The following PRSS23 variants were observed in gnomAD, a reference collection of about 807,000 sequenced individuals.
PRSS23 encodes serine protease 23.
In PRSS23, 25 loss-of-function variants were observed where a neutral mutation model predicts 34.7. That is an observed-to-expected ratio of 0.72 (90% CI 0.53 to 1.01). The LOEUF is 1.01. Among genes scored for constraint, PRSS23 ranks in the 50% least tolerant of loss-of-function variants. The pLI, the probability that PRSS23 is intolerant of heterozygous loss-of-function variation, is 0.00. For synonymous variants in PRSS23, 176 were observed against 186.6 expected, an observed-to-expected ratio of 0.94 and a Z score of 0.46; for missense variants, 445 against 475.6, an observed-to-expected ratio of 0.94 and a Z score of 0.60.
chr11:86,818,854 T>C (rs1025987073), intron 1 of PRSS23, among the ~76,000 whole-genome samples: 2 of 152,200 alleles, frequency 1.3e-5, no homozygotes, highest in African/African-American at 4.8e-5. Context: ...TGTTAATCAA[T>C]ACATGCCATT....
At position 86,830,385 on chromosome 11, in the gene PRSS23, G is replaced by T. The variant is rs557363738; in HGVS notation, c.206+6792G>T. On this transcript the variant is annotated intron_variant, in intron 2 of 2. Transcript: ENST00000533902. ...GTGGGAGTGACCCGATTTTCCAGGT[G>T]CCATCTGTCACCCCTTTCTTTGACT... Among the ~76,000 whole-genome samples, 29 of 152,268 alleles carry T rather than the reference G, an allele frequency of 1.9e-4. 1 individual carries two copies. The South Asian group carries it at 2.1e-3, about 11-fold the overall frequency.
At chr11:86,798,278 G>A (rs941479657), upstream of PRSS23, among the ~76,000 whole-genome samples, 5 of 152,216 alleles carry the variant, frequency 3.3e-5, no homozygotes, top group Admixed American at 6.5e-5. Flanking sequence ...CTCATGCCAA[G>A]TACTGCCTCT....
chr11:86,888,192 A>C (rs1948818175), intron 2 of PRSS23, among the ~76,000 whole-genome samples: 1 of 152,002 alleles, frequency 6.6e-6, no homozygotes, highest in Non-Finnish European at 1.5e-5. Context: ...AGACCCTAGA[A>C]GGCTTTACAG....
downstream of PRSS23, among the ~76,000 whole-genome samples, chr11:86,814,258 A>G (rs1948199666): frequency 6.6e-6 from 1 of 152,194 alleles, no homozygotes; most frequent in East Asian, 1.9e-4. Flanking sequence ...ACAGAGAAAT[A>G]ATATCATCTG....
intron 2 of PRSS23, among the ~76,000 whole-genome samples, chr11:86,829,084 A>G (rs761425281): frequency 6.6e-6 from 1 of 152,214 alleles, no homozygotes; most frequent in Non-Finnish European, 1.5e-5. Flanking sequence ...TGACCTGCAG[A>G]GTATTTTCCA....
intron 2 of PRSS23, among the ~76,000 whole-genome samples, chr11:86,859,649 A>G (rs1421523361): frequency 6.6e-6 from 1 of 151,966 alleles, no homozygotes; most frequent in Admixed American, 6.6e-5. Context: ...TATTGTTCCT[A>G]GTATCCAGAG....
In PRSS23 at chr11:86,910,166, G is replaced by A. The variant is rs574045829; in HGVS notation, c.207-41050G>A. 3 of 152,318 alleles carry A rather than the reference G, an allele frequency of 2.0e-5. 1 individual carries two copies. The highest frequency in any genetic ancestry group is 2.0e-4 in the Admixed American group (3 of 15,306). The allele number at this position is 152,318 out of a possible 1,614,324, so 9.4% of individuals were successfully genotyped here. A position where few individuals can be genotyped will look rare whatever the true frequency, so the allele number is the denominator to read the frequency against. ...TGAAACAGTAATTAATATTGCTTGA[G>A]CTCAGATTGCTCCTGTAAGATCTGC... On this transcript the variant is annotated intron_variant, in intron 2 of 2. Transcript: ENST00000533902.
intron 2 of PRSS23, among the ~76,000 whole-genome samples, chr11:86,844,290 A>G (rs1308933410): frequency 1.3e-5 from 2 of 152,180 alleles, no homozygotes; most frequent in Non-Finnish European, 2.9e-5. Context: ...GAGGGATAGC[A>G]TTAGGAGAAA....
At chr11:86,887,687 T>C (rs961967835) in intron 2 of PRSS23, among the ~76,000 whole-genome samples, 6 of 152,180 alleles carry the variant, frequency 3.9e-5, no homozygotes, top group African/African-American at 1.4e-4. Flanking sequence ...GAGGAGCTCA[T>C]AGTCCGGTGT....
At chr11:86,826,925 G>A (rs1948306281) in intron 2 of PRSS23, among the ~76,000 whole-genome samples, 2 of 152,178 alleles carry the variant, frequency 1.3e-5, no homozygotes, top group Non-Finnish European at 2.9e-5. Context: ...TTGCATCGAT[G>A]TTCATCAAGG....
chr11:86,899,173 C>G (rs532703235), intron 2 of PRSS23, among the ~76,000 whole-genome samples: 1 of 152,116 alleles, frequency 6.6e-6, no homozygotes, highest in Non-Finnish European at 1.5e-5. Flanking sequence ...ACACCCCACT[C>G]ATGGTGCACT....
intron 2 of PRSS23, among the ~76,000 whole-genome samples, chr11:86,865,130 G>T (rs10501630): frequency 0.068 from 10,316 of 152,286 alleles, 503 homozygotes; most frequent in African/African-American, 0.13. Flanking sequence ...CACAAGGGAA[G>T]TAGCAAGAGA....
At chr11:86,879,121 C>T (rs1948748815) in intron 2 of PRSS23, among the ~76,000 whole-genome samples, 1 of 147,860 alleles carries the variant, frequency 6.8e-6, no homozygotes, top group African/African-American at 2.5e-5. Context: ...CGGCCGCCAT[C>T]CCGTCTAGGA....
intron 2 of PRSS23, among the ~76,000 whole-genome samples, chr11:86,856,201 A>G (rs1370180032): frequency 1.3e-5 from 2 of 152,184 alleles, no homozygotes. Flanking sequence ...AATTTGCATC[A>G]TGTTTAGGAC....
At chr11:86,861,733 A>AC (rs1302348355) in intron 2 of PRSS23, among the ~76,000 whole-genome samples, 2 of 150,768 alleles carry the variant, frequency 1.3e-5, no homozygotes, top group Non-Finnish European at 3.0e-5. Context: ...AGGGGTGTAC[A>AC]CCCCCCTGTG....
intron 2 of PRSS23, among the ~76,000 whole-genome samples, chr11:86,894,676 T>C (rs1948863189): frequency 6.6e-6 from 1 of 152,146 alleles, no homozygotes; most frequent in Non-Finnish European, 1.5e-5. Flanking sequence ...AAGAAAGGAC[T>C]AACCTTTACC....
intron 2 of PRSS23, chr11:86,823,600 T>C (rs1378515980): frequency 1.4e-6 from 1 of 702,448 alleles, no homozygotes; most frequent in African/African-American, 1.7e-5. Flanking sequence ...GGAGGTAAGT[T>C]CATATCAGAT....
At chr11:86,791,984 C>G (rs899629020) in intron 1 of PRSS23, among the ~76,000 whole-genome samples, 1 of 152,310 alleles carries the variant, frequency 6.6e-6, no homozygotes, top group South Asian at 2.1e-4. Flanking sequence ...GATACATTTT[C>G]TAATGAAATC....
intron 2 of PRSS23, among the ~76,000 whole-genome samples, chr11:86,844,706 G>A (rs963121531): frequency 2.6e-5 from 4 of 152,116 alleles, no homozygotes; most frequent in Non-Finnish European, 5.9e-5. Context: ...TAGGACCCAC[G>A]TCATGACATA....
Sources: allele counts gnomAD v4.1 joint callset (sites outside exome capture counted in the v4.1 genomes callset), GRCh38; gene constraint gnomAD v4.1.1; transcripts MANE v1.5; gene names NCBI Gene and HGNC (gene_info 2026-07-23, HGNC 2026-07-21).